UQCC1: variants seen among roughly 807,000 people sequenced by gnomAD.
UQCC1 encodes the protein ubiquinol-cytochrome c reductase complex assembly factor 1.
In UQCC1, 38 loss-of-function variants were observed where a neutral mutation model predicts 48.0. That is an observed-to-expected ratio of 0.79 (90% CI 0.61 to 1.04). The LOEUF is 1.04. Among genes scored for constraint, UQCC1 ranks in the 50% least tolerant of loss-of-function variants. UQCC1 has a pLI of 0.00. For synonymous variants in UQCC1, 111 were observed against 129.2 expected, an observed-to-expected ratio of 0.86 and a Z score of 0.95; for missense variants, 368 against 381.8, an observed-to-expected ratio of 0.96 and a Z score of 0.30.
chr20:35,305,015 T>C (rs1013078255), intron 9 of UQCC1, among the ~76,000 whole-genome samples: 2 of 152,190 alleles, frequency 1.3e-5, no homozygotes, highest in African/African-American at 4.8e-5. Flanking sequence ...GAACCTCTGG[T>C]TGGCTCTTGG....
At chr20:35,351,316 G>A (rs1015330091) in intron 6 of UQCC1, among the ~76,000 whole-genome samples, 3 of 150,740 alleles carry the variant, frequency 2.0e-5, no homozygotes, top group African/African-American at 7.3e-5. Flanking sequence ...TCTTGAACCC[G>A]GGAGGCAGAG....
At chr20:35,315,096 T>A (rs2061042477) in intron 7 of UQCC1, 3 of 170,444 alleles carry the variant, frequency 1.8e-5, no homozygotes, top group Non-Finnish European at 3.8e-5. Flanking sequence ...AAAATAGGCA[T>A]ATAAAAAATA....
chr20:35,362,161 T>A (rs1174590598), intron 6 of UQCC1, among the ~76,000 whole-genome samples: 1 of 152,168 alleles, frequency 6.6e-6, no homozygotes, highest in Admixed American at 6.5e-5. Flanking sequence ...ATTTGTCAAG[T>A]GGAGAGGCGG....
chr20:35,333,714 A>G (rs1034519175), intron 7 of UQCC1, among the ~76,000 whole-genome samples: 2 of 152,218 alleles, frequency 1.3e-5, no homozygotes, highest in Non-Finnish European at 2.9e-5. Flanking sequence ...GTACTTCAAG[A>G]GTTAAAACAT....
At chr20:35,356,855 GA>G (rs979727420) in intron 6 of UQCC1, among the ~76,000 whole-genome samples, 2 of 150,246 alleles carry the variant, frequency 1.3e-5, no homozygotes, top group South Asian at 2.1e-4. Flanking sequence ...AGCACATCAG[GA>G]AAAAAAAAGA....
At chr20:35,341,700 T>C (rs778833066) in intron 7 of UQCC1, among the ~76,000 whole-genome samples, 4 of 152,152 alleles carry the variant, frequency 2.6e-5, no homozygotes, top group Non-Finnish European at 5.9e-5. Flanking sequence ...TAGGGGAAAC[T>C]GGGATTGGCT....
intron 9 of UQCC1, chr20:35,306,455 TTC>T (rs1483769876): frequency 9.2e-6 from 5 of 543,028 alleles, no homozygotes; most frequent in Non-Finnish European, 1.0e-5. Flanking sequence ...CGATGCCTCT[TTC>T]TCTCTCTCTT....
chr20:35,356,827 T>C (rs766619318), intron 6 of UQCC1, among the ~76,000 whole-genome samples: 1 of 151,974 alleles, frequency 6.6e-6, no homozygotes, highest in Non-Finnish European at 1.5e-5. Flanking sequence ...GCTTCAAAAC[T>C]AGCATCATAT....
intron 8 of UQCC1, among the ~76,000 whole-genome samples, chr20:35,313,306 G>A (rs527683260): frequency 1.3e-4 from 19 of 149,850 alleles, no homozygotes; most frequent in African/African-American, 4.2e-4. Flanking sequence ...AACCTGGGAG[G>A]TGGAGCTTGT....
intron 6 of UQCC1, among the ~76,000 whole-genome samples, chr20:35,355,421 C>T (rs748184076): frequency 5.3e-5 from 8 of 152,190 alleles, no homozygotes; most frequent in Non-Finnish European, 1.2e-4. Flanking sequence ...AAATGCTCAC[C>T]TAATTCTTTC....
intron 4 of UQCC1, among the ~76,000 whole-genome samples, chr20:35,376,307 C>CAA (rs71830656): frequency 2.1e-5 from 3 of 145,830 alleles, no homozygotes; most frequent in African/African-American, 5.0e-5. Context: ...GACTCCGCCT[C>CAA]AAAAAAAAAA....
chr20:35,306,083 A>G (rs2146289498), intron 9 of UQCC1, among the ~76,000 whole-genome samples: 1 of 152,284 alleles, frequency 6.6e-6, no homozygotes, highest in East Asian at 1.9e-4. Context: ...GAGGACAGCT[A>G]TGTGGGTAAG....
intron 4 of UQCC1, among the ~76,000 whole-genome samples, chr20:35,379,243 C>T (rs926708790): frequency 6.6e-6 from 1 of 152,120 alleles, no homozygotes; most frequent in Non-Finnish European, 1.5e-5. Flanking sequence ...ATGGGAATAA[C>T]ACATGAAACC....
intron 5 of UQCC1, among the ~76,000 whole-genome samples, chr20:35,368,670 C>T (rs543053728): frequency 7.2e-5 from 11 of 152,322 alleles, no homozygotes; most frequent in Middle Eastern, 6.8e-3. Flanking sequence ...AGGAAACAGA[C>T]TCAAACTAAG....
At chr20:35,322,304 G>A (rs143758132) in intron 7 of UQCC1, among the ~76,000 whole-genome samples, 3 of 151,948 alleles carry the variant, frequency 2.0e-5, no homozygotes, top group African/African-American at 7.3e-5. Context: ...TCGTAACAAT[G>A]ATTACACAAT....
At chr20:35,356,989 A>C (rs2061553103) in intron 6 of UQCC1, among the ~76,000 whole-genome samples, 2 of 152,282 alleles carry the variant, frequency 1.3e-5, no homozygotes. Context: ...ATTGAGGTTC[A>C]ACAGGTACAA....
At chr20:35,359,249 C>T (rs1365737447) in intron 6 of UQCC1, among the ~76,000 whole-genome samples, 1 of 152,152 alleles carries the variant, frequency 6.6e-6, no homozygotes, top group African/African-American at 2.4e-5. Context: ...TAACTGTCCC[C>T]GTTTCACAGA....
At chr20:35,386,365 T>C (rs1487627910) in intron 2 of UQCC1, 1 of 454,134 alleles carries the variant, frequency 2.2e-6, no homozygotes, top group Non-Finnish European at 4.4e-6. Context: ...ACACATGGAA[T>C]GAAAATGATT....
rs377391061 is a variant in UQCC1 at position 35,336,697 on chromosome 20, A to G, written c.573+10467T>C. ...GAATAAATTTTTGTTGTTTTAAACC[A>G]CCAAGTTTGTGGTAATCTGCTGTAA... On this transcript the variant is annotated intron_variant, in intron 7 of 9. Transcript: ENST00000374385. Among the ~76,000 whole-genome samples, 9 of 152,308 alleles carry G rather than the reference A, an allele frequency of 5.9e-5. No homozygotes were observed. In the East Asian group the frequency reaches 1.5e-3, roughly 26 times the overall value.
Sources: gnomAD v4.1 joint callset for allele counts (sites outside exome capture counted in the v4.1 genomes callset) on GRCh38, gnomAD v4.1.1 for gene constraint, MANE v1.5 for transcripts, NCBI Gene and HGNC (gene_info 2026-07-23, HGNC 2026-07-21) for gene names.